PIK3C3: variants seen among roughly 807,000 people sequenced by gnomAD.
PIK3C3 encodes the protein phosphatidylinositol 3-kinase catalytic subunit type 3.
In PIK3C3, 95 loss-of-function variants were observed where a neutral mutation model predicts 126.1. That is an observed-to-expected ratio of 0.75 (90% CI 0.64 to 0.89). The LOEUF (loss-of-function observed/expected upper bound fraction) is 0.89. Among genes scored for constraint, PIK3C3 ranks in the 40% least tolerant of loss-of-function variants. The pLI, the probability that PIK3C3 is intolerant of heterozygous loss-of-function variation, is 0.00. For synonymous variants in PIK3C3, 374 were observed against 360.0 expected (o/e 1.04, Z -0.44); for missense variants, 829 against 1,063.2 (o/e 0.78, Z 3.06).
rs1180730112 is a variant in PIK3C3, at chr18:42,037,763, T to C, written c.1911T>C (p.His637=). ...DGGKYPVIFK[H]GDDLRQDQLI... ...GCAAATATCCAGTTATATTTAAGCA[T>C]GGAGATGATTTACGTCAAGATCAAC... The change falls in exon 17 of 25, where the codon CAT becomes CAC. Residue 637 remains histidine (H), a synonymous_variant. Transcript: ENST00000262039. 1.2e-6 allele frequency: 2 copies of C among 1,612,750 alleles called. No homozygotes were observed. Among genetic ancestry groups the C allele is most frequent in the South Asian group, 1.1e-5 (1 of 91,000 alleles).
chr18:41,983,640 G>T (rs1194195473), intron 4 of PIK3C3, among the ~76,000 whole-genome samples: 1 of 152,110 alleles, frequency 6.6e-6, no homozygotes, highest in East Asian at 1.9e-4. Flanking sequence ...AATGATCGTG[G>T]AAGTCTGTCT....
chr18:42,050,257 T>C (rs1984742781), intron 21 of PIK3C3: 1 of 152,208 alleles, frequency 6.6e-6, no homozygotes, highest in African/African-American at 2.4e-5. Flanking sequence ...TGTGCTTAAT[T>C]CACTTTAATA....
chr18:42,019,275 TC>T (rs1983214778), intron 12 of PIK3C3, among the ~76,000 whole-genome samples: 1 of 152,102 alleles, frequency 6.6e-6, no homozygotes, highest in African/African-American at 2.4e-5. Context: ...AACAAAACTG[TC>T]CCTTGAAACC....
intron 13 of PIK3C3, chr18:42,025,813 T>A (rs1172151561): frequency 6.6e-6 from 1 of 152,194 alleles, no homozygotes; most frequent in African/African-American, 2.4e-5. Flanking sequence ...AAATTATCAA[T>A]AATGAGATAG....
intron 16 of PIK3C3, 55 bp from the exon 17 acceptor site, chr18:42,037,637 C>G (rs1352680515): frequency 1.3e-6 from 2 of 1,504,992 alleles, no homozygotes; most frequent in Non-Finnish European, 1.8e-6. Context: ...ATGTATAGTA[C>G]AATTTTATGC....
chr18:42,038,924 A>C, intron 18 of PIK3C3, 74 bp downstream of exon 18: 1 of 901,420 alleles, frequency 1.1e-6, no homozygotes, highest in African/African-American at 1.7e-5. Flanking sequence ...AAAATTTTTA[A>C]GTATGTTAGA....
At chr18:42,019,554 T>TC (rs1213898072) in intron 12 of PIK3C3, among the ~76,000 whole-genome samples, 2 of 152,142 alleles carry the variant, frequency 1.3e-5, no homozygotes, top group Non-Finnish European at 2.9e-5. Context: ...CTCTTGTTTT[T>TC]CTCTTCATCT....
chr18:42,076,165 C>CATATATATATGCGCAT (rs1568013844), intron 24 of PIK3C3, among the ~76,000 whole-genome samples: 3 of 103,670 alleles, frequency 2.9e-5, no homozygotes, highest in African/African-American at 1.3e-4. Flanking sequence ...TATATATGCA[C>CATATATATATGCGCAT]ATATATATAT....
At chr18:42,036,017 A>C (rs1230675131) in intron 16 of PIK3C3, among the ~76,000 whole-genome samples, 4 of 152,208 alleles carry the variant, frequency 2.6e-5, no homozygotes, top group Non-Finnish European at 5.9e-5. Context: ...AATCTCAAAA[A>C]AGAAATCACA....
intron 24 of PIK3C3, among the ~76,000 whole-genome samples, chr18:42,071,943 G>GA (rs1312929832): frequency 3.9e-5 from 6 of 152,134 alleles, no homozygotes; most frequent in African/African-American, 1.4e-4. Flanking sequence ...TTTAGGCACT[G>GA]AAGCATACAT....
chr18:41,975,520 G>T (rs1980874040), intron 4 of PIK3C3, among the ~76,000 whole-genome samples: 1 of 152,102 alleles, frequency 6.6e-6, no homozygotes, highest in Non-Finnish European at 1.5e-5. Flanking sequence ...TTTGTGGTGG[G>T]TGAGTACATC....
chr18:41,980,215 T>C (rs1299285283), intron 4 of PIK3C3, among the ~76,000 whole-genome samples: 2 of 152,192 alleles, frequency 1.3e-5, no homozygotes, highest in Non-Finnish European at 2.9e-5. Context: ...TTGGGAAGTT[T>C]GTATTCTTTG....
chr18:42,044,538 G>A (rs548706183), intron 20 of PIK3C3, among the ~76,000 whole-genome samples: 6 of 152,036 alleles, frequency 3.9e-5, no homozygotes, highest in East Asian at 1.9e-4. Flanking sequence ...TCAGCCCGCC[G>A]AGTACCTGGG....
Position 42,081,681 on chromosome 18 carries a change from CA to C in PIK3C3, c.*545del, listed in dbSNP as rs1986256306. 6.6e-6 allele frequency: 1 copy of C among 152,506 alleles called. No homozygotes were observed. The highest frequency in any genetic ancestry group is 2.4e-5 in the African/African-American group (1 of 41,448). The allele number at this position is 152,506 out of a possible 1,614,324, so 9.4% of individuals were successfully genotyped here. On this transcript the variant is annotated 3_prime_UTR_variant, in exon 25 of 25. Coordinates refer to ENST00000262039, the MANE Select transcript of PIK3C3 (RefSeq NM_002647.4). ...TCTTCAAGTTTTACATGTGATGGCTCATTCTTCTGCAGTTCAAGAATTGCTT... is the reference window on the plus strand; with the variant it reads ...TCTTCAAGTTTTACATGTGATGGCTCTTCTTCTGCAGTTCAAGAATTGCTT...
chr18:42,027,151 C>T, intron 13 of PIK3C3: 1 of 199,902 alleles, frequency 5.0e-6, no homozygotes, highest in Non-Finnish European at 1.0e-5. Context: ...GATGTTAATA[C>T]TCTACCTCAT....
In PIK3C3 at chr18:42,037,771, A is replaced by G; in HGVS notation, c.1919A>G (p.Asp640Gly). 1.2e-6 allele frequency: 2 copies of G among 1,612,706 alleles called. No individual in the cohort carries two copies. The highest frequency in any genetic ancestry group is 1.7e-6 in the Non-Finnish European group (2 of 1,178,940). Residue 640 changes from aspartate (D) to glycine (G), a missense_variant, in exon 17 of 25, where the codon GAT becomes GGT. By Grantham distance (94) the Asp-to-Gly change is moderately conservative. Around this residue, in one of 4 missense-constraint regions of PIK3C3, gnomAD observed 196 missense variants for 312.8 expected, o/e 0.63. Transcript: ENST00000262039. ...CCAGTTATATTTAAGCATGGAGATGATTTACGTCAAGATCAACTTATTCTT... is the reference window on the plus strand; with the variant it reads ...CCAGTTATATTTAAGCATGGAGATGGTTTACGTCAAGATCAACTTATTCTT... Reference protein sequence around the residue: ...KYPVIFKHGDDLRQDQLILQI... With the variant: ...KYPVIFKHGDGLRQDQLILQI...
At chr18:42,060,531 G>A (rs935604346) in intron 22 of PIK3C3, among the ~76,000 whole-genome samples, 5 of 152,132 alleles carry the variant, frequency 3.3e-5, no homozygotes, top group Non-Finnish European at 5.9e-5. Flanking sequence ...AGCACTCTGG[G>A]AGGCTGAGGT....
intron 4 of PIK3C3, among the ~76,000 whole-genome samples, chr18:41,974,557 C>T (rs1258173692): frequency 6.6e-6 from 1 of 151,060 alleles, no homozygotes; most frequent in African/African-American, 2.4e-5. Context: ...ACCCCCCCAC[C>T]CCCTGCCCCA....
chr18:42,001,163 AAC>A (rs1001329188), intron 9 of PIK3C3, among the ~76,000 whole-genome samples: 6 of 152,244 alleles, frequency 3.9e-5, no homozygotes, highest in Non-Finnish European at 8.8e-5. Context: ...AAAACATAGT[AAC>A]ACATATAGTA....
Sources: gnomAD v4.1 joint callset for allele counts (sites outside exome capture counted in the v4.1 genomes callset) on GRCh38, gnomAD v4.1.1 for gene constraint, gnomAD v4.1.1 regional missense constraint, MANE v1.5 for transcripts, NCBI Gene and HGNC (gene_info 2026-07-23, HGNC 2026-07-21) for gene names.